The following TNNI3 variants were observed in gnomAD, a reference collection of about 807,000 sequenced individuals.
TNNI3 encodes the protein troponin I3, cardiac type.
In TNNI3, 23 loss-of-function variants were observed where a neutral mutation model predicts 31.5. The observed-to-expected ratio is 0.73, with a 90% CI of 0.52 to 1.03. The LOEUF (loss-of-function observed/expected upper bound fraction) is 1.03. Among genes scored for constraint, TNNI3 ranks in the 50% least tolerant of loss-of-function variants. TNNI3 has a pLI of 0.00. For synonymous variants in TNNI3, 120 were observed against 111.7 expected (o/e 1.07, Z -0.47); for missense variants, 236 against 282.9 (o/e 0.83, Z 1.19).
Position 55,156,364 on chromosome 19 carries a change from C to G in TNNI3, c.151-32G>C. ...AGGGGTGGGAGGGAAGCGCAGCCCA[C>G]CCGGGGCTTCAGGATAAAGACCAGG... On this transcript the variant is annotated intron_variant, in intron 4 of 7. Transcript: ENST00000344887. The surrounding 1 kb of genome is among the most constrained non-coding windows in gnomAD (Gnocchi z 4.6). 1 of 1,597,504 alleles carries G rather than the reference C, an allele frequency of 6.3e-7. No individual in the cohort carries two copies. The highest frequency in any genetic ancestry group is 8.5e-7 in the Non-Finnish European group (1 of 1,172,666).
At chr19:55,154,466 C>T (rs1451442339) in intron 6 of TNNI3, 3 of 621,374 alleles carry the variant, frequency 4.8e-6, no homozygotes, top group Non-Finnish European at 5.7e-6. Flanking sequence ...TGGCCAGTGC[C>T]TGAGCTAATT....
chr19:55,157,391 A>G lies in TNNI3; in HGVS notation c.12-83T>C. 6.2e-7 allele frequency: 1 copy of G among 1,607,224 alleles called. No homozygotes were observed. The highest frequency in any genetic ancestry group is 8.5e-7 in the Non-Finnish European group (1 of 1,175,368). On this transcript the variant is annotated intron_variant, in intron 1 of 7. Coordinates refer to ENST00000344887, the MANE Select transcript of TNNI3 (RefSeq NM_000363.5). The surrounding 1 kb of genome is among the most constrained non-coding windows in gnomAD (Gnocchi z 6.3). ...GGGACCCCTGGAGTCCCCTCTGAAC[A>G]AGAGGTCGGGGGACCGCGCTTCCCC...
At chr19:55,153,579 G>A (rs2085706461) in intron 7 of TNNI3, among the ~76,000 whole-genome samples, 1 of 151,738 alleles carries the variant, frequency 6.6e-6, no homozygotes, top group East Asian at 1.9e-4. Flanking sequence ...ATGGTGGTGT[G>A]CACCTGTAGT....
At chr19:55,151,952 C>T (rs2085697750) in intron 7 of TNNI3, 35 bp from the exon 8 acceptor site, 2 of 1,596,410 alleles carry the variant, frequency 1.3e-6, no homozygotes, top group African/African-American at 2.7e-5. Flanking sequence ...GTTAGGGTCT[C>T]TTCTTGGTCT....
In TNNI3 at chr19:55,157,234, C is replaced by T; in HGVS notation, c.24+62G>A. ...GGCTGCAGCCTCCCGCCCCAGACCC[C>T]TCACTGCAGCGCCCACCCTGGCCCT... On this transcript the variant is annotated intron_variant, in intron 2 of 7. Coordinates refer to ENST00000344887, the MANE Select transcript of TNNI3 (RefSeq NM_000363.5). The surrounding 1 kb of genome is among the most constrained non-coding windows in gnomAD (Gnocchi z 6.3). 1 of 1,606,284 alleles carries T rather than the reference C, an allele frequency of 6.2e-7. No individual in the cohort carries two copies. The highest frequency in any genetic ancestry group is 8.5e-7 in the Non-Finnish European group (1 of 1,177,134).
chr19:55,156,648 C>A lies in TNNI3; in HGVS notation c.109-4G>T. On this transcript the variant is annotated splice_polypyrimidine_tract_variant and splice_region_variant and intron_variant, in intron 3 of 7. Coordinates refer to ENST00000344887, the MANE Select transcript of TNNI3 (RefSeq NM_000363.5). This position sits in a 1 kb window ranked among gnomAD's most constrained non-coding sequence, Gnocchi z 4.6. ...AGGCGGAGATCTTAGATTTTTTCTG[C>A]CAGGGTGAGATGGAGCAAGGAAGGA... 1 of 1,563,784 alleles carries A rather than the reference C, an allele frequency of 6.4e-7. No homozygotes were observed. The highest frequency in any genetic ancestry group is 8.7e-7 in the Non-Finnish European group (1 of 1,152,418).
In TNNI3 at chr19:55,154,215, A is replaced by G. The variant is rs1249664350; in HGVS notation, c.373-9T>C. 1 of 1,610,652 alleles carries G rather than the reference A, an allele frequency of 6.2e-7. No individual in the cohort carries two copies. The highest frequency in any genetic ancestry group is 1.1e-5 in the South Asian group (1 of 91,068). ...TGAGTCAGATCTGCAATCTGGGGGC[A>G]CACGAGGGGGTGGGTACTTCTCCTT... On this transcript the variant is annotated splice_polypyrimidine_tract_variant and intron_variant, in intron 6 of 7. Coordinates refer to ENST00000344887, the MANE Select transcript of TNNI3 (RefSeq NM_000363.5).
Position 55,156,218 on chromosome 19 carries a change from C to A in TNNI3, c.265G>T (p.Gly89Cys). 6.2e-7 allele frequency: 1 copy of A among 1,612,754 alleles called. No individual in the cohort carries two copies. Among genetic ancestry groups the A allele is most frequent in the Non-Finnish European group, 8.5e-7 (1 of 1,179,846 alleles). ...GCCGGTACCTGCAGCTCCGCGAAGC[C>A]CAGCCCGGCCAACTCCAGCGGCTGG... is the stretch of plus-strand genomic sequence containing the variant. ...RCQPLELAGLGFAELQDLCRQ... is the reference protein window; with the variant it reads ...RCQPLELAGLCFAELQDLCRQ... The change falls in exon 5 of 8, where the codon GGC becomes TGC. Residue 89 changes from glycine to cysteine, a missense_variant. Gly to Cys is a radical substitution (Grantham distance 159). Transcript: ENST00000344887. The surrounding 1 kb of genome is among the most constrained non-coding windows in gnomAD (Gnocchi z 4.6).
chr19:55,156,171 T>G lies in TNNI3; in HGVS notation c.282+30A>C, dbSNP rs1005194590. ...AGGCTGTACTGCTGAATTCCGGGAC[T>G]AGAAACCTCGCATCCTTGGGAGCCG... On this transcript the variant is annotated intron_variant, in intron 5 of 7. Coordinates refer to ENST00000344887, the MANE Select transcript of TNNI3 (RefSeq NM_000363.5). The surrounding 1 kb of genome is among the most constrained non-coding windows in gnomAD (Gnocchi z 4.6). 1.1e-5 allele frequency: 18 copies of G among 1,612,458 alleles called. No individual in the cohort carries two copies. The highest frequency in any genetic ancestry group is 5.3e-5 in the African/African-American group (4 of 74,844).
chr19:55,153,731 CAA>C (rs60013031), intron 7 of TNNI3, among the ~76,000 whole-genome samples: 6 of 19,012 alleles, frequency 3.2e-4, no homozygotes, highest in African/African-American at 1.1e-3. Flanking sequence ...GACTCCATCG[CAA>C]AAAAAAAAAA....
At position 55,156,090 on chromosome 19, in the gene TNNI3, A is replaced by G; in HGVS notation, c.282+111T>C. 6.5e-7 allele frequency: 1 copy of G among 1,533,352 alleles called. No homozygotes were observed. Among genetic ancestry groups the G allele is most frequent in the South Asian group, 1.1e-5 (1 of 88,356 alleles). 95.0% of individuals were successfully genotyped at this position (1,533,352 alleles called of 1,614,324 possible). A position where few individuals can be genotyped will look rare whatever the true frequency, so the allele number is the denominator to read the frequency against. The stretch of plus-strand genomic sequence containing the variant: ...GCCAGGAGTCCCACGAACCATATAT[A>G]ATTGGGTAAGGACAGCCATATTGGA... On this transcript the variant is annotated intron_variant, in intron 5 of 7. Coordinates refer to ENST00000344887, the MANE Select transcript of TNNI3 (RefSeq NM_000363.5). This position sits in a 1 kb window ranked among gnomAD's most constrained non-coding sequence, Gnocchi z 4.6.
rs2147285950 is a variant in TNNI3 at position 55,157,076 on chromosome 19, C to T, written c.82G>A (p.Ala28Thr). ...TTGGCGTGCGGCTCCGTGGCATAAG[C>T]GCGGTAGTTGGAGGAGCGGCGTCTG... ...PIRRRSSNYRAYATEPHAKKK... is the reference protein window; with the variant it reads ...PIRRRSSNYRTYATEPHAKKK... Residue 28 changes from alanine to threonine, a missense_variant, in exon 3 of 8, where the codon GCT (alanine) becomes ACT (threonine). Ala to Thr is a moderately conservative substitution (Grantham distance 58). Transcript: ENST00000344887. The surrounding 1 kb of genome is among the most constrained non-coding windows in gnomAD (Gnocchi z 6.3). The T allele has an allele frequency of 6.2e-7, 1 of 1,600,774 alleles. No individual in the cohort carries two copies. Among genetic ancestry groups the T allele is most frequent in the South Asian group, 1.1e-5 (1 of 88,022 alleles).
Position 55,157,209 on chromosome 19 carries a change from G to T in TNNI3, c.25-76C>A. 6.3e-7 allele frequency: 1 copy of T among 1,596,678 alleles called. No homozygotes were observed. The highest frequency in any genetic ancestry group is 1.8e-5 in the Admixed American group (1 of 56,686). On this transcript the variant is annotated intron_variant, in intron 2 of 7. Coordinates refer to ENST00000344887, the MANE Select transcript of TNNI3 (RefSeq NM_000363.5). This position sits in a 1 kb window ranked among gnomAD's most constrained non-coding sequence, Gnocchi z 6.3. Reference sequence around the variant, plus strand: ...CTTACCGTACCGCACCCTCTGCTAGGGCTGCAGCCTCCCGCCCCAGACCCC... The same window carrying T: ...CTTACCGTACCGCACCCTCTGCTAGTGCTGCAGCCTCCCGCCCCAGACCCC...
At position 55,156,948 on chromosome 19, in the gene TNNI3, G is replaced by A. The variant is rs371267206; in HGVS notation, c.108+102C>T. ...AAAACTCCGCCCCTGAAGCCCCTCC[G>A]CGTAGTCCCCGCCCCCTTCGCAGCC... On this transcript the variant is annotated intron_variant, in intron 3 of 7. Coordinates refer to ENST00000344887, the MANE Select transcript of TNNI3 (RefSeq NM_000363.5). This position sits in a 1 kb window ranked among gnomAD's most constrained non-coding sequence, Gnocchi z 4.6. The A allele has an allele frequency of 2.3e-3, 3,034 of 1,333,786 alleles. 63 individuals carry two copies. The South Asian group carries it at 0.031, about 14-fold the overall frequency. The allele number at this position is 1,333,786 out of a possible 1,614,324, so 82.6% of individuals were successfully genotyped here. A position where few individuals can be genotyped will look rare whatever the true frequency, so the allele number is the denominator to read the frequency against.
rs1357543485 is a variant in TNNI3, at chr19:55,157,032, C to G, written c.108+18G>C. ...CCCTCCGGCGCCTGTACTCTGCCCC[C>G]AGGAAGCCCCGTCCCACCTTGGCGT... On this transcript the variant is annotated intron_variant, in intron 3 of 7. Transcript: ENST00000344887. The surrounding 1 kb of genome is among the most constrained non-coding windows in gnomAD (Gnocchi z 6.3). 7 of 1,573,918 alleles carry G rather than the reference C, an allele frequency of 4.4e-6. No homozygotes were observed. In the Admixed American group the frequency reaches 9.6e-5, roughly 22 times the overall value.
In TNNI3 at chr19:55,151,875, G is replaced by A. The variant is rs727504285; in HGVS notation, c.592C>T (p.Leu198=). ...VGDWRKNIDA[L]SGMEGRKKKF... ...TTCTTGCGGCCCTCCATTCCACTCAGTGCATCGATGTTCTTGCGCCAGTCT... is the reference window on the plus strand; with the variant it reads ...TTCTTGCGGCCCTCCATTCCACTCAATGCATCGATGTTCTTGCGCCAGTCT... The change falls in exon 8 of 8, where the codon CTG becomes TTG. Residue 198 remains leucine, a synonymous_variant. Transcript: ENST00000344887. The A allele has an allele frequency of 6.2e-7, 1 of 1,614,128 alleles. No homozygotes were observed. Among genetic ancestry groups the A allele is most frequent in the African/African-American group, 1.3e-5 (1 of 75,034 alleles).
chr19:55,154,564 G>A, intron 6 of TNNI3, 177 bp downstream of exon 6: 1 of 699,878 alleles, frequency 1.4e-6, no homozygotes, highest in Non-Finnish European at 2.6e-6. Context: ...CCTCTGCCTA[G>A]AACAGCTTTC....
chr19:55,152,034 G>C lies in TNNI3; in HGVS notation c.550-117C>G. 1 of 881,796 alleles carries C rather than the reference G, an allele frequency of 1.1e-6. No homozygotes were observed. The highest frequency in any genetic ancestry group is 1.4e-5 in the South Asian group (1 of 71,508). 54.6% of individuals were successfully genotyped at this position (881,796 alleles called of 1,614,324 possible). A position where few individuals can be genotyped will look rare whatever the true frequency, so the allele number is the denominator to read the frequency against. ...TCTACCCTGGATGCCTAAGTATCTA[G>C]TTCTGGAGCACTTCCTGTCTTTTCA... On this transcript the variant is annotated intron_variant, in intron 7 of 7. Coordinates refer to ENST00000344887, the MANE Select transcript of TNNI3 (RefSeq NM_000363.5). This position sits in a 1 kb window ranked among gnomAD's most constrained non-coding sequence, Gnocchi z 4.0.
intron 7 of TNNI3, among the ~76,000 whole-genome samples, chr19:55,153,230 C>A (rs1013441338): frequency 6.6e-6 from 1 of 152,234 alleles, no homozygotes; most frequent in South Asian, 2.1e-4. Context: ...CCACGCCCAA[C>A]CTTCTTTTGT....
Sources: gnomAD v4.1 joint callset for allele counts (sites outside exome capture counted in the v4.1 genomes callset) on GRCh38, gnomAD v4.1.1 for gene constraint, Gnocchi (gnomAD v3.1) non-coding constraint, MANE v1.5 for transcripts, NCBI Gene and HGNC (gene_info 2026-07-23, HGNC 2026-07-21) for gene names.